Variants in PATJ observed in about 807,000 individuals in gnomAD.
The protein encoded by PATJ is inaD-like protein.
Under a neutral mutation model 224.9 loss-of-function variants are expected in PATJ, and 190 were observed. That is an observed-to-expected ratio of 0.84 (90% confidence interval 0.75 to 0.95). The LOEUF (loss-of-function observed/expected upper bound fraction) is 0.95. Ranked by LOEUF, PATJ falls within the 40% of genes least tolerant of loss-of-function variation. The pLI, the probability that PATJ is intolerant of heterozygous loss-of-function variation, is 0.00. For synonymous variants in PATJ, 769 were observed against 820.3 expected, an observed-to-expected ratio of 0.94 and a Z score of 1.07; for missense variants, 2,121 against 2,270.3, an observed-to-expected ratio of 0.93 and a Z score of 1.34.
chr1:62,023,385 C>A (rs1647200778), intron 29 of PATJ, among the ~76,000 whole-genome samples: 1 of 151,880 alleles, frequency 6.6e-6, no homozygotes, highest in Admixed American at 6.6e-5. Context: ...ATGAGTTTAA[C>A]TTTCATAAAG....
At chr1:62,127,895 A>T (rs1248582571) in intron 39 of PATJ, 77 bp from the exon 40 acceptor site, 18 of 1,495,002 alleles carry the variant, frequency 1.2e-5, no homozygotes, top group African/African-American at 2.8e-5. Flanking sequence ...TTTTGTTCCA[A>T]CAGCTATCTA....
chr1:62,039,226 G>T, intron 30 of PATJ: 1 of 387,106 alleles, frequency 2.6e-6, no homozygotes, highest in Non-Finnish European at 5.0e-6. Flanking sequence ...ATGTGCAGTG[G>T]GCACTTTTCT....
intron 26 of PATJ, among the ~76,000 whole-genome samples, chr1:61,918,853 C>T (rs1673847853): frequency 6.6e-6 from 1 of 151,958 alleles, no homozygotes; most frequent in Admixed American, 6.6e-5. Context: ...GTCCCAGCTA[C>T]TTGGGAGGCT....
intron 21 of PATJ, among the ~76,000 whole-genome samples, chr1:61,880,274 C>T (rs1667915484): frequency 6.6e-6 from 1 of 152,248 alleles, no homozygotes; most frequent in African/African-American, 2.4e-5. Context: ...GTTTTGTACA[C>T]TTAGCTATCT....
At position 61,949,055 on chromosome 1, in the gene PATJ, G is replaced by T. The variant is rs928867763; in HGVS notation, c.3670+21226G>T. ...CAGGGTGGGGAACATCACACACTGG[G>T]GTCTGTTGTGGGGTCGGCGGGGAGC... On this transcript the variant is annotated intron_variant, in intron 27 of 43. Coordinates refer to ENST00000642238, the MANE Select transcript of PATJ (RefSeq NM_001350145.3). 3.4e-5 allele frequency among the ~76,000 whole-genome samples: 5 copies of T among 149,056 alleles called. No individual in the cohort carries two copies. The Admixed American group carries it at 3.4e-4, about 10-fold the overall frequency.
At chr1:62,134,291 GC>G (rs1486766528) in intron 41 of PATJ, among the ~76,000 whole-genome samples, 1 of 145,420 alleles carries the variant, frequency 6.9e-6, no homozygotes, top group Non-Finnish European at 1.5e-5. Flanking sequence ...CTCCCAAAGT[GC>G]TGGGATTACA....
Position 62,018,483 on chromosome 1 carries a change from G to A in PATJ, c.3959+536G>A, listed in dbSNP as rs945253881. Among the ~76,000 whole-genome samples the A allele has an allele frequency of 1.3e-5, 2 of 152,174 alleles. No individual in the cohort carries two copies. The highest frequency in any genetic ancestry group is 4.8e-5 in the African/African-American group (2 of 41,462). ...AGCTGATTGAGCCCTCATGGTACAAGTAAATCAGAATTAGGAATCTTACTG... is the reference window on the plus strand; with the variant it reads ...AGCTGATTGAGCCCTCATGGTACAAATAAATCAGAATTAGGAATCTTACTG... On this transcript the variant is annotated intron_variant, in intron 29 of 43. Coordinates refer to ENST00000642238, the MANE Select transcript of PATJ (RefSeq NM_001350145.3). This position sits in a 1 kb window ranked among gnomAD's most constrained non-coding sequence, Gnocchi z 4.2.
At chr1:61,912,634 TAAG>T (rs1329436356) in intron 25 of PATJ, among the ~76,000 whole-genome samples, 12 of 126,820 alleles carry the variant, frequency 9.5e-5, no homozygotes, top group Admixed American at 8.7e-4. Context: ...GAAAGAAAGA[TAAG>T]AAAGAGAGAG....
chr1:62,083,794 A>G lies in PATJ; in HGVS notation c.4244-721A>G, dbSNP rs188979781. 6.6e-5 allele frequency among the ~76,000 whole-genome samples: 10 copies of G among 152,324 alleles called. No homozygotes were observed. The East Asian group carries it at 1.9e-3, about 29-fold the overall frequency. Reference sequence around the variant, plus strand: ...ATCTTAATAATTTAATTCATCTGATATGCTCTAATTGAAAGTATTTAGGCA... The same window carrying G: ...ATCTTAATAATTTAATTCATCTGATGTGCTCTAATTGAAAGTATTTAGGCA... On this transcript the variant is annotated intron_variant, in intron 32 of 43. Coordinates refer to ENST00000642238, the MANE Select transcript of PATJ (RefSeq NM_001350145.3).
At chr1:62,101,989 GGCAACATA>G (rs1662235046) in intron 33 of PATJ, among the ~76,000 whole-genome samples, 1 of 152,018 alleles carries the variant, frequency 6.6e-6, no homozygotes, top group South Asian at 2.1e-4. Flanking sequence ...GACCAGCCTG[GGCAACATA>G]GCAAGACCCT....
intron 25 of PATJ, among the ~76,000 whole-genome samples, chr1:61,908,762 T>G (rs987270521): frequency 6.6e-6 from 1 of 152,234 alleles, no homozygotes; most frequent in Non-Finnish European, 1.5e-5. Context: ...TTTACCAGCT[T>G]TGCTAACTTG....
chr1:62,151,713 A>C (rs1410894657), intron 42 of PATJ, among the ~76,000 whole-genome samples: 1 of 152,232 alleles, frequency 6.6e-6, no homozygotes, highest in East Asian at 1.9e-4. Flanking sequence ...CTCTAAGTAC[A>C]TGAATGGCTG....
intron 21 of PATJ, among the ~76,000 whole-genome samples, chr1:61,880,338 A>G (rs906692744): frequency 6.6e-5 from 10 of 152,232 alleles, no homozygotes; most frequent in African/African-American, 2.4e-4. Flanking sequence ...AACATTTGTT[A>G]AGTGAATTTG....
chr1:61,972,962 A>G (rs1270635484), intron 27 of PATJ, among the ~76,000 whole-genome samples: 1 of 152,042 alleles, frequency 6.6e-6, no homozygotes, highest in Non-Finnish European at 1.5e-5. Context: ...AGTGTTTTTA[A>G]TAATGATGAA....
chr1:61,774,952 T>C (rs1180531251), intron 6 of PATJ, among the ~76,000 whole-genome samples: 1 of 152,216 alleles, frequency 6.6e-6, no homozygotes, highest in African/African-American at 2.4e-5. Flanking sequence ...GCTAGTGCCT[T>C]ATGATCCAAT....
At chr1:61,984,360 A>G (rs972024200) in intron 27 of PATJ, among the ~76,000 whole-genome samples, 1 of 151,634 alleles carries the variant, frequency 6.6e-6, no homozygotes, top group Non-Finnish European at 1.5e-5. Flanking sequence ...GGGTTTCACT[A>G]TACTGGCCAG....
intron 31 of PATJ, among the ~76,000 whole-genome samples, chr1:62,067,059 G>A (rs1388811293): frequency 6.6e-6 from 1 of 151,840 alleles, no homozygotes; most frequent in Non-Finnish European, 1.5e-5. Flanking sequence ...GAGCAGCAAG[G>A]GATTATAGAA....
intron 27 of PATJ, among the ~76,000 whole-genome samples, chr1:61,934,098 G>A (rs1018354712): frequency 8.0e-5 from 12 of 150,294 alleles, no homozygotes; most frequent in East Asian, 1.9e-4. Flanking sequence ...ACTGCGCCCC[G>A]CTAATTTTTG....
chr1:62,036,765 C>T (rs998320402), intron 29 of PATJ, among the ~76,000 whole-genome samples: 9 of 148,122 alleles, frequency 6.1e-5, no homozygotes, highest in South Asian at 2.2e-4. Context: ...CCAGCTACTC[C>T]GGAGGCTGAG....
Sources: gnomAD v4.1 joint callset for allele counts (sites outside exome capture counted in the v4.1 genomes callset) on GRCh38, gnomAD v4.1.1 for gene constraint, Gnocchi (gnomAD v3.1) non-coding constraint, MANE v1.5 for transcripts, NCBI Gene and HGNC (gene_info 2026-07-23, HGNC 2026-07-21) for gene names.